KIFAP3: variants seen among roughly 807,000 people sequenced by gnomAD.
The protein encoded by KIFAP3 is kinesin-associated protein 3.
In KIFAP3, 68 loss-of-function variants were observed where a neutral mutation model predicts 106.5. The ratio of observed to expected loss-of-function variants is 0.64; its 90% CI spans 0.53 to 0.78. The LOEUF (loss-of-function observed/expected upper bound fraction) is 0.78. Ranked by LOEUF, KIFAP3 falls within the 30% of genes least tolerant of loss-of-function variation. The pLI is 0.00. For synonymous variants in KIFAP3, 320 were observed against 311.5 expected, an observed-to-expected ratio of 1.03 and a Z score of -0.29; for missense variants, 780 against 941.8, an observed-to-expected ratio of 0.83 and a Z score of 2.25.
At chr1:170,017,625 A>T (rs1056077037) in intron 9 of KIFAP3, among the ~76,000 whole-genome samples, 4 of 152,220 alleles carry the variant, frequency 2.6e-5, no homozygotes, top group Non-Finnish European at 5.9e-5. Context: ...TTAATGCTGT[A>T]CTAAGAAGTT....
intron 1 of KIFAP3, among the ~76,000 whole-genome samples, chr1:170,084,818 T>C (rs1330378): frequency 0.1 from 15,417 of 152,174 alleles, 1,355 homozygotes; most frequent in African/African-American, 0.23. Context: ...GGTATTTGAA[T>C]ATTTCCTGCA....
At chr1:170,025,992 C>T (rs981669619) in intron 8 of KIFAP3, among the ~76,000 whole-genome samples, 3 of 151,910 alleles carry the variant, frequency 2.0e-5, no homozygotes, top group East Asian at 1.9e-4. Context: ...TAAGGTGGAC[C>T]GTGAATCCAA....
chr1:169,969,468 G>C (rs934549490), intron 17 of KIFAP3, among the ~76,000 whole-genome samples: 2 of 151,924 alleles, frequency 1.3e-5, no homozygotes, highest in African/African-American at 4.8e-5. Context: ...GCCTTATTAA[G>C]TACAATTTTG....
chr1:170,003,751 T>A (rs1341322988), intron 10 of KIFAP3, among the ~76,000 whole-genome samples: 1 of 152,182 alleles, frequency 6.6e-6, no homozygotes, highest in Non-Finnish European at 1.5e-5. Context: ...ACAGCCAATA[T>A]CATACTGAAT....
At chr1:169,966,678 G>A (rs1266031202) in intron 17 of KIFAP3, among the ~76,000 whole-genome samples, 1 of 150,526 alleles carries the variant, frequency 6.6e-6, no homozygotes, top group Non-Finnish European at 1.5e-5. Context: ...TATCCCACCA[G>A]TTTTCAATGA....
intron 6 of KIFAP3, among the ~76,000 whole-genome samples, chr1:170,035,137 T>C (rs756408356): frequency 6.6e-6 from 1 of 152,012 alleles, no homozygotes; most frequent in Non-Finnish European, 1.5e-5. Context: ...GAGCACTTAC[T>C]CTGGGTCAGG....
At chr1:170,028,324 T>G (rs992133729) in intron 8 of KIFAP3, among the ~76,000 whole-genome samples, 9 of 151,432 alleles carry the variant, frequency 5.9e-5, no homozygotes, top group African/African-American at 2.2e-4. Context: ...TGTTATACAG[T>G]TTTTTGTTTG....
At chr1:170,062,164 T>A (rs1202655893) in intron 1 of KIFAP3, among the ~76,000 whole-genome samples, 3 of 114,998 alleles carry the variant, frequency 2.6e-5, no homozygotes, top group African/African-American at 9.7e-5. Flanking sequence ...AAGTATAATT[T>A]AAAAAAAGAG....
intron 17 of KIFAP3, among the ~76,000 whole-genome samples, chr1:169,966,443 T>C (rs1665627142): frequency 7.4e-6 from 1 of 135,938 alleles, no homozygotes; most frequent in South Asian, 2.4e-4. Context: ...TTCTTTGTTA[T>C]AGATCATAGA....
rs1352425524 is a variant in KIFAP3, at chr1:169,984,659, T to C, written c.1316A>G (p.Glu439Gly). ...LMKMLFECSDERIDLELISFC... is the reference protein window; with the variant it reads ...LMKMLFECSDGRIDLELISFC... ...AGAAATGAGTTCCAAGTCAATTCGT[T>C]CATCTGAACATTCAAACAGCATCTT... The change falls in exon 12 of 20, where the codon GAA (glutamate) becomes GGA (glycine). Residue 439 changes from glutamate to glycine, a missense_variant. Transcript: ENST00000361580. 1 of 1,607,376 alleles carries C rather than the reference T, an allele frequency of 6.2e-7. No homozygotes were observed. Among genetic ancestry groups the C allele is most frequent in the Admixed American group, 1.7e-5 (1 of 59,678 alleles).
At chr1:170,065,031 G>C (rs1217507926) in intron 1 of KIFAP3, among the ~76,000 whole-genome samples, 2 of 152,070 alleles carry the variant, frequency 1.3e-5, no homozygotes, top group Non-Finnish European at 2.9e-5. Context: ...CTTCTTGGAA[G>C]AGTTGTACAT....
Position 169,944,796 on chromosome 1 carries a change from T to A in KIFAP3, c.2273+9215A>T, listed in dbSNP as rs374173222. On this transcript the variant is annotated intron_variant, in intron 19 of 19. Transcript: ENST00000361580. ...AGCAAGCAGGTAATCCCCACGTCTG[T>A]ATGAGTCTGGCTGAGCCTGGGGTTT... Among the ~76,000 whole-genome samples, 4 of 152,146 alleles carry A rather than the reference T, an allele frequency of 2.6e-5. No homozygotes were observed. The East Asian group carries it at 7.8e-4, about 30-fold the overall frequency.
chr1:170,015,633 A>G (rs1668467910), intron 10 of KIFAP3, among the ~76,000 whole-genome samples: 1 of 152,186 alleles, frequency 6.6e-6, no homozygotes, highest in Non-Finnish European at 1.5e-5. Context: ...TAGAGGAAAA[A>G]AGCAGGTAAA....
intron 10 of KIFAP3, among the ~76,000 whole-genome samples, chr1:170,000,896 AAT>A (rs1218541583): frequency 1.3e-5 from 2 of 152,138 alleles, no homozygotes; most frequent in Non-Finnish European, 2.9e-5. Flanking sequence ...TAAGTACAAC[AAT>A]AGTTTCTGAG....
intron 12 of KIFAP3, 56 bp downstream of exon 12, chr1:169,984,526 C>T: frequency 2.8e-6 from 2 of 709,650 alleles, no homozygotes; most frequent in East Asian, 2.6e-5. Flanking sequence ...ATCTATTTTC[C>T]ATCATATACC....
intron 3 of KIFAP3, among the ~76,000 whole-genome samples, chr1:170,045,695 A>G (rs1225120526): frequency 6.6e-6 from 1 of 152,172 alleles, no homozygotes; most frequent in East Asian, 1.9e-4. Context: ...ACTAAACCTG[A>G]ATTCTTCCCT....
chr1:169,931,936 CT>C (rs905748405), intron 19 of KIFAP3, among the ~76,000 whole-genome samples: 6 of 152,104 alleles, frequency 3.9e-5, no homozygotes, highest in South Asian at 2.1e-4. Context: ...TATTTTACCC[CT>C]ATGCACTCTC....
At chr1:169,921,893 T>C in intron 19 of KIFAP3, 112 bp from the exon 20 acceptor site, 1 of 739,204 alleles carries the variant, frequency 1.4e-6, no homozygotes, top group South Asian at 1.7e-5. Flanking sequence ...GCAGGGATAG[T>C]GATTTAGGTG....
At chr1:169,980,840 G>A (rs773805708) in intron 15 of KIFAP3, among the ~76,000 whole-genome samples, 6 of 152,120 alleles carry the variant, frequency 3.9e-5, no homozygotes, top group Non-Finnish European at 7.4e-5. Context: ...AGTGGCTCAC[G>A]CCTGTAATCT....
Sources: allele counts gnomAD v4.1 joint callset (sites outside exome capture counted in the v4.1 genomes callset), GRCh38; gene constraint gnomAD v4.1.1; transcripts MANE v1.5; gene names NCBI Gene and HGNC (gene_info 2026-07-23, HGNC 2026-07-21).